The following ZGRF1 variants were observed in gnomAD, a reference collection of about 807,000 sequenced individuals.
The protein encoded by ZGRF1 is 5'-3' DNA helicase ZGRF1.
In ZGRF1, 196 loss-of-function variants were observed where a neutral mutation model predicts 203.5. That is an observed-to-expected ratio of 0.96 (90% CI 0.86 to 1.08). ZGRF1 has a LOEUF of 1.08. Among genes scored for constraint, ZGRF1 ranks in the 50% least tolerant of loss-of-function variants. ZGRF1 has a pLI of 0.00. For synonymous variants in ZGRF1, 809 were observed against 841.3 expected, an observed-to-expected ratio of 0.96 and a Z score of 0.66; for missense variants, 2,326 against 2,416.3, an observed-to-expected ratio of 0.96 and a Z score of 0.78.
Position 112,581,822 on chromosome 4 carries a change from T to C in ZGRF1, c.4299-20A>G. ...CCTTTTCTGAAAAGGGAATAAAAAA[T>C]AAAAATGAATTGTAATATTAAGATG... On this transcript the variant is annotated intron_variant, in intron 15 of 27. Transcript: ENST00000505019. 1 of 1,223,540 alleles carries C rather than the reference T, an allele frequency of 8.2e-7. No individual in the cohort carries two copies. The highest frequency in any genetic ancestry group is 1.1e-6 in the Non-Finnish European group (1 of 916,830). 75.8% of individuals were successfully genotyped at this position (1,223,540 alleles called of 1,614,324 possible). A position where few individuals can be genotyped will look rare whatever the true frequency, so the allele number is the denominator to read the frequency against.
In ZGRF1 at chr4:112,629,406, T is replaced by C. The variant is rs573550771; in HGVS notation, c.102+2524A>G. 2.6e-5 allele frequency among the ~76,000 whole-genome samples: 4 copies of C among 152,286 alleles called. No individual in the cohort carries two copies. The East Asian group carries it at 7.7e-4, about 29-fold the overall frequency. Reference sequence around the variant, plus strand: ...AATATTTGAGCCAGGCGCGGTGGCTTATGCCTGTAATCCCAATACTTTGGG... The same window carrying C: ...AATATTTGAGCCAGGCGCGGTGGCTCATGCCTGTAATCCCAATACTTTGGG... On this transcript the variant is annotated intron_variant, in intron 3 of 27. Transcript: ENST00000505019.
chr4:112,623,421 A>G (rs2047128062), intron 4 of ZGRF1, among the ~76,000 whole-genome samples: 1 of 152,160 alleles, frequency 6.6e-6, no homozygotes, highest in Admixed American at 6.6e-5. Context: ...TGGTGAGAGA[A>G]TATTATACTT....
intron 23 of ZGRF1, 138 bp from the exon 24 acceptor site, chr4:112,547,546 T>G: frequency 1.3e-6 from 1 of 741,786 alleles, no homozygotes; most frequent in Non-Finnish European, 2.1e-6. Context: ...AGCTTAGTAG[T>G]GCTATTAAGC....
chr4:112,585,698 A>T lies in ZGRF1; in HGVS notation c.3944T>A (p.Leu1315Ter). Residue 1315 changes from leucine to a stop codon, truncating the protein, a stop_gained, in exon 14 of 28, where the codon TTA (leucine) becomes TAA (stop). Coordinates refer to ENST00000505019, the MANE Select transcript of ZGRF1 (RefSeq NM_018392.5). LOFTEE classifies it high-confidence loss of function. ...AAGAGCTTTCTGCAGGTTTTGTGCT[A>T]ACCCAAACAGCAATATATTTAGATG... ...IEHLNILLFG[L>*]AQNLQKALSK... The T allele has an allele frequency of 6.3e-7, 1 of 1,597,460 alleles. No homozygotes were observed. The highest frequency in any genetic ancestry group is 8.5e-7 in the Non-Finnish European group (1 of 1,173,682).
At chr4:112,550,117 G>A (rs1365749219) in intron 22 of ZGRF1, among the ~76,000 whole-genome samples, 7 of 151,942 alleles carry the variant, frequency 4.6e-5, no homozygotes, top group South Asian at 2.1e-4. Flanking sequence ...GCGTGAACCC[G>A]GGAGGCAGAG....
At chr4:112,589,309 G>A (rs1747751347) in intron 11 of ZGRF1, among the ~76,000 whole-genome samples, 1 of 152,128 alleles carries the variant, frequency 6.6e-6, no homozygotes, top group Non-Finnish European at 1.5e-5. Context: ...CAGTTGAAGA[G>A]TTCAGGATCC....
At chr4:112,548,489 T>G in intron 22 of ZGRF1, 109 bp from the exon 23 acceptor site, 1 of 758,286 alleles carries the variant, frequency 1.3e-6, no homozygotes, top group South Asian at 2.9e-5. Flanking sequence ...TAGTCCTAAT[T>G]TAATTCCTAG....
intron 16 of ZGRF1, 60 bp downstream of exon 16, chr4:112,581,603 C>G: frequency 8.3e-7 from 1 of 1,203,092 alleles, no homozygotes; most frequent in Non-Finnish European, 1.1e-6. Flanking sequence ...ATTTATACAG[C>G]TGTATGTAAT....
chr4:112,636,824 G>A (rs181317692), intron 1 of ZGRF1, 27 bp downstream of exon 1: 1 of 152,090 alleles, frequency 6.6e-6, no homozygotes, highest in African/African-American at 2.4e-5. Flanking sequence ...TCATTCCTAG[G>A]AAATCCCGAG....
chr4:112,620,160 G>A lies in ZGRF1; in HGVS notation c.193C>T (p.Arg65Ter), dbSNP rs769283190. The A allele has an allele frequency of 8.1e-6, 13 of 1,606,760 alleles. No homozygotes were observed. The highest frequency in any genetic ancestry group is 2.2e-5 in the East Asian group (1 of 44,648). Residue 65 changes from arginine (R) to a stop codon, truncating the protein, a stop_gained, in exon 5 of 28, where the codon CGA (arginine) becomes TGA (stop). Transcript: ENST00000505019. LOFTEE classifies it high-confidence loss of function. The part of the protein sequence containing the change: ...VKPGDDLESD[R>*]YLITVEEVKV... ...ACCTCTTCAACTGTGATTAAGTATC[G>A]ATCACTTTCTAAGTCATCTCCAGGT...
At position 112,619,361 on chromosome 4, in the gene ZGRF1, T is replaced by C; in HGVS notation, c.681A>G (p.Leu227=). 1.2e-6 allele frequency: 2 copies of C among 1,613,354 alleles called. No homozygotes were observed. Among genetic ancestry groups the C allele is most frequent in the Non-Finnish European group, 1.7e-6 (2 of 1,179,586 alleles). Residue 227 remains leucine, a synonymous_variant, in exon 6 of 28, where the codon TTA becomes TTG. Transcript: ENST00000505019. ...VNSGNKLSDS[L]LTNEPVKRDS... Reference sequence around the variant, plus strand: ...CTCTTTTCACAGGCTCATTGGTCAGTAAAGAGTCTGAAAGCTTATTTCCAG... The same window carrying C: ...CTCTTTTCACAGGCTCATTGGTCAGCAAAGAGTCTGAAAGCTTATTTCCAG...
chr4:112,612,589 C>T lies in ZGRF1; in HGVS notation c.2603-1G>A, dbSNP rs2046725811. ...ACTACTGTAATAAATGGTTTCCTCACTGTAATGGAGAAAAGAAATAATCAT... is the reference window on the plus strand; with the variant it reads ...ACTACTGTAATAAATGGTTTCCTCATTGTAATGGAGAAAAGAAATAATCAT... On this transcript the variant is annotated splice_acceptor_variant, in intron 6 of 27. Coordinates refer to ENST00000505019, the MANE Select transcript of ZGRF1 (RefSeq NM_018392.5). LOFTEE classifies it high-confidence loss of function. The T allele has an allele frequency of 2.5e-6, 4 of 1,584,636 alleles. No homozygotes were observed. Among genetic ancestry groups the T allele is most frequent in the Non-Finnish European group, 3.5e-6 (4 of 1,155,688 alleles).
rs373824903 is a variant in ZGRF1 at position 112,585,603 on chromosome 4, G to A, written c.4039C>T (p.Pro1347Ser). 129 of 1,612,274 alleles carry A rather than the reference G, an allele frequency of 8.0e-5. No homozygotes were observed. Among genetic ancestry groups the A allele is most frequent in the Non-Finnish European group, 1.1e-4 (125 of 1,179,366 alleles). Reference sequence around the variant, plus strand: ...GCAGGTTGACTATGATGGCAGGATGGTACATTATTTTCTGCGTTTTTCAGT... The same window carrying A: ...GCAGGTTGACTATGATGGCAGGATGATACATTATTTTCTGCGTTTTTCAGT... ...EKLKNAENNV[P>S]SCHHSQPAKL... The change falls in exon 14 of 28, where the codon CCA (proline) becomes TCA (serine). Residue 1347 changes from proline to serine, a missense_variant. Pro to Ser is a moderately conservative substitution (Grantham distance 74, BLOSUM62 -1). Transcript: ENST00000505019.
At chr4:112,564,900 C>T in intron 16 of ZGRF1, 6 of 656,408 alleles carry the variant, frequency 9.1e-6, no homozygotes, top group Non-Finnish European at 1.7e-5. Context: ...GCCACCGCGC[C>T]GCCGTCGCTC....
chr4:112,581,201 T>G (rs1746179096), intron 16 of ZGRF1, among the ~76,000 whole-genome samples: 1 of 145,260 alleles, frequency 6.9e-6, no homozygotes, highest in Non-Finnish European at 1.5e-5. Flanking sequence ...CACCGCATGT[T>G]CTCACTCATA....
intron 24 of ZGRF1, among the ~76,000 whole-genome samples, chr4:112,546,072 G>A (rs201808207): frequency 2.0e-5 from 3 of 147,254 alleles, no homozygotes; most frequent in Admixed American, 6.8e-5. Context: ...GTACTTTAAA[G>A]TAATAATAAT....
chr4:112,566,514 TAAATAAAA>T (rs1232262495), intron 16 of ZGRF1, among the ~76,000 whole-genome samples: 2 of 151,274 alleles, frequency 1.3e-5, no homozygotes, highest in African/African-American at 2.4e-5. Flanking sequence ...AATAAATAAA[TAAATAAAA>T]AATAAATTTT....
chr4:112,575,857 A>T (rs559992377), intron 16 of ZGRF1, among the ~76,000 whole-genome samples: 1 of 152,346 alleles, frequency 6.6e-6, no homozygotes, highest in South Asian at 2.1e-4. Flanking sequence ...GGGGGGCAGG[A>T]CTTAGCCAAA....
chr4:112,609,995 T>C (rs1182711237), intron 7 of ZGRF1, among the ~76,000 whole-genome samples: 1 of 149,674 alleles, frequency 6.7e-6, no homozygotes, highest in African/African-American at 2.5e-5. Context: ...AACAGTTAGT[T>C]AGGTATGGTG....
Sources: allele counts gnomAD v4.1 joint callset (sites outside exome capture counted in the v4.1 genomes callset), GRCh38; gene constraint gnomAD v4.1.1; transcripts MANE v1.5; gene names NCBI Gene and HGNC (gene_info 2026-07-23, HGNC 2026-07-21).